ANO2: variants seen among roughly 807,000 people sequenced by gnomAD.
ANO2 encodes the protein anoctamin-2.
In ANO2, 101 loss-of-function variants were observed where a neutral mutation model predicts 124.2. The ratio of observed to expected loss-of-function variants is 0.81; its 90% CI spans 0.69 to 0.96. ANO2 has a LOEUF of 0.96. Among genes scored for constraint, ANO2 ranks in the 40% least tolerant of loss-of-function variants. The pLI is 0.00. For missense variants in ANO2, 1,293 were observed against 1,274.5 expected (o/e 1.01, Z -0.22); for synonymous variants, 486 against 482.5 (o/e 1.01, Z -0.09).
chr12:5,680,973 T>G (rs1948463612), intron 14 of ANO2, among the ~76,000 whole-genome samples: 1 of 152,176 alleles, frequency 6.6e-6, no homozygotes, highest in African/African-American at 2.4e-5. Flanking sequence ...GAAGAGTTCC[T>G]CTGCCCCAAG....
chr12:5,629,439 G>A (rs911012692), intron 16 of ANO2, among the ~76,000 whole-genome samples: 1 of 152,144 alleles, frequency 6.6e-6, no homozygotes, highest in Non-Finnish European at 1.5e-5. Context: ...TGGCTCAAAG[G>A]CACAATACCC....
chr12:5,854,094 C>T lies in ANO2; in HGVS notation c.582G>A (p.Gln194=), dbSNP rs537731019. ...SIFVRIHAPW[Q]VLAREAEFLK... ...AGAATTCTGCCTCTCTGGCCAGCAC[C>T]TGCCACGGGGCGTGTATCCGGACAA... The change falls in exon 4 of 25, where the codon CAG becomes CAA. Residue 194 remains glutamine, a synonymous_variant. Coordinates refer to ENST00000682330, the MANE Select transcript of ANO2 (RefSeq NM_001364791.2). The T allele has an allele frequency of 3.1e-6, 5 of 1,613,634 alleles. No homozygotes were observed. The South Asian group carries it at 4.4e-5, about 14-fold the overall frequency.
At position 5,859,860 on chromosome 12, in the gene ANO2, C is replaced by T. The variant is rs191430013; in HGVS notation, c.535-5719G>A. ...GTCCATTTCTTTTAACTCATGATGT[C>T]CACTGGTTTCCCAGACCTGTCCTCC... On this transcript the variant is annotated intron_variant, in intron 3 of 24. Transcript: ENST00000682330. 1.8e-4 allele frequency among the ~76,000 whole-genome samples: 27 copies of T among 152,240 alleles called. No individual in the cohort carries two copies. The East Asian group carries it at 4.3e-3, about 24-fold the overall frequency.
At chr12:5,833,118 A>G (rs1416922062) in intron 4 of ANO2, among the ~76,000 whole-genome samples, 5 of 152,356 alleles carry the variant, frequency 3.3e-5, no homozygotes, top group Middle Eastern at 3.4e-3. Flanking sequence ...CCACGCTTCT[A>G]TGTGATCATC....
rs1940515785 is a variant in ANO2, at chr12:5,904,144, C to G, written c.534+16896G>C. ...TCTGTGCTTGAAGAGTGTTCCAGCC[C>G]AAATGTTGCCTGGCTGCTGCAGCAT... On this transcript the variant is annotated intron_variant, in intron 3 of 24. Coordinates refer to ENST00000682330, the MANE Select transcript of ANO2 (RefSeq NM_001364791.2). This position sits in a 1 kb window ranked among gnomAD's most constrained non-coding sequence, Gnocchi z 4.1. Among the ~76,000 whole-genome samples the G allele has an allele frequency of 6.6e-6, 1 of 152,162 alleles. No homozygotes were observed. The highest frequency in any genetic ancestry group is 2.1e-4 in the South Asian group (1 of 4,834).
intron 10 of ANO2, among the ~76,000 whole-genome samples, chr12:5,755,543 T>C (rs561585479): frequency 6.6e-6 from 1 of 152,266 alleles, no homozygotes; most frequent in Admixed American, 6.5e-5. Context: ...CTCTTAATGC[T>C]ATCCCTCCCC....
rs1940871550 is a variant in ANO2 at position 5,908,959 on chromosome 12, G to A, written c.534+12081C>T. On this transcript the variant is annotated intron_variant, in intron 3 of 24. Coordinates refer to ENST00000682330, the MANE Select transcript of ANO2 (RefSeq NM_001364791.2). This position sits in a 1 kb window ranked among gnomAD's most constrained non-coding sequence, Gnocchi z 4.7. ...AATCATGAGTCCACTCAGAACAAGGGTCATCCGCCTTTTGAGCAGAATGCA... is the reference window on the plus strand; with the variant it reads ...AATCATGAGTCCACTCAGAACAAGGATCATCCGCCTTTTGAGCAGAATGCA... Among the ~76,000 whole-genome samples the A allele has an allele frequency of 6.6e-6, 1 of 152,182 alleles. No homozygotes were observed. The highest frequency in any genetic ancestry group is 2.4e-5 in the African/African-American group (1 of 41,446).
At chr12:5,606,378 C>T (rs1944222571) in intron 19 of ANO2, among the ~76,000 whole-genome samples, 1 of 152,164 alleles carries the variant, frequency 6.6e-6, no homozygotes, top group South Asian at 2.1e-4. Context: ...ACTGGTATGC[C>T]TTTGACAACT....
intron 10 of ANO2, among the ~76,000 whole-genome samples, chr12:5,794,737 T>A (rs1429787111): frequency 6.6e-6 from 1 of 152,188 alleles, no homozygotes; most frequent in Non-Finnish European, 1.5e-5. Flanking sequence ...AAGCTCTCCC[T>A]TCATCGTTGT....
chr12:5,821,981 A>G lies in ANO2; in HGVS notation c.892+5788T>C, dbSNP rs561344185. 2.6e-5 allele frequency among the ~76,000 whole-genome samples: 4 copies of G among 152,260 alleles called. No individual in the cohort carries two copies. The South Asian group carries it at 8.3e-4, about 32-fold the overall frequency. The stretch of plus-strand genomic sequence containing the variant: ...GTGGGGAGCTCCCTATGATCAGTTG[A>G]CAGAGGAAGAGAAGACTCAGGCCTG... On this transcript the variant is annotated intron_variant, in intron 7 of 24. Transcript: ENST00000682330.
chr12:5,699,155 T>C (rs1362337736), intron 14 of ANO2, among the ~76,000 whole-genome samples: 1 of 151,816 alleles, frequency 6.6e-6, no homozygotes, highest in Non-Finnish European at 1.5e-5. Flanking sequence ...TTCACCAAAG[T>C]TGAAGTGAAG....
chr12:5,752,269 AT>A (rs1168804742), intron 10 of ANO2, among the ~76,000 whole-genome samples: 1 of 152,196 alleles, frequency 6.6e-6, no homozygotes, highest in African/African-American at 2.4e-5. Flanking sequence ...TGGTAATTAT[AT>A]TTTAATTTTT....
chr12:5,676,003 C>T (rs779361389), intron 14 of ANO2, among the ~76,000 whole-genome samples: 9 of 152,248 alleles, frequency 5.9e-5, no homozygotes, highest in African/African-American at 1.7e-4. Context: ...GCTCTGGACT[C>T]GGAGCCACAT....
chr12:5,745,295 G>A (rs1376005583), intron 11 of ANO2, among the ~76,000 whole-genome samples: 1 of 152,192 alleles, frequency 6.6e-6, no homozygotes, highest in Non-Finnish European at 1.5e-5. Context: ...GAGATGGGAG[G>A]ATGGTTAAGC....
chr12:5,569,863 TG>T (rs1941996440), intron 23 of ANO2, among the ~76,000 whole-genome samples: 1 of 152,154 alleles, frequency 6.6e-6, no homozygotes, highest in South Asian at 2.1e-4. Flanking sequence ...ATAGAACAGC[TG>T]GGGTGGGGGC....
intron 3 of ANO2, among the ~76,000 whole-genome samples, chr12:5,875,813 G>C (rs1938058146): frequency 6.6e-6 from 1 of 151,714 alleles, no homozygotes; most frequent in African/African-American, 2.4e-5. Flanking sequence ...TAAGTCCTAG[G>C]CTACATCTAG....
At chr12:5,916,192 A>G (rs1161820484) in intron 3 of ANO2, among the ~76,000 whole-genome samples, 1 of 152,118 alleles carries the variant, frequency 6.6e-6, no homozygotes, top group African/African-American at 2.4e-5. Flanking sequence ...CAGGAGGATC[A>G]CCGGCACCTG....
At chr12:5,618,013 G>A (rs147909136) in intron 16 of ANO2, among the ~76,000 whole-genome samples, 1 of 152,230 alleles carries the variant, frequency 6.6e-6, no homozygotes, top group Admixed American at 6.5e-5. Flanking sequence ...GAAGGAGTAG[G>A]ATGGTGAGAA....
chr12:5,895,461 C>T (rs1939715853), intron 3 of ANO2, among the ~76,000 whole-genome samples: 1 of 151,938 alleles, frequency 6.6e-6, no homozygotes, highest in African/African-American at 2.4e-5. Flanking sequence ...ATCACATAAA[C>T]AGAACCAGTG....
Sources: allele counts gnomAD v4.1 joint callset (sites outside exome capture counted in the v4.1 genomes callset), GRCh38; gene constraint gnomAD v4.1.1; non-coding constraint Gnocchi (gnomAD v3.1); transcripts MANE v1.5; gene names NCBI Gene and HGNC (gene_info 2026-07-23, HGNC 2026-07-21).